VWA7: variants seen among roughly 807,000 people sequenced by gnomAD.
VWA7 encodes von Willebrand factor A domain containing 7.
A neutral mutation model predicts 83.1 loss-of-function variants in VWA7; 66 were observed. That is an observed-to-expected ratio of 0.79 (90% confidence interval 0.65 to 0.98). The LOEUF (loss-of-function observed/expected upper bound fraction) is 0.98, where lower values mean the gene tolerates loss of function less well. VWA7 is among the 50% of genes least tolerant of loss of function. The pLI is 0.00. For synonymous variants in VWA7, 424 were observed against 488.5 expected (o/e 0.87, Z 1.74); for missense variants, 1,080 against 1,160.2 (o/e 0.93, Z 1.00).
At chr6:31,770,212 A>G in intron 7 of VWA7, 99 bp from the exon 8 acceptor site, 7 of 892,140 alleles carry the variant, frequency 7.8e-6, no homozygotes, top group Non-Finnish European at 1.2e-5. Context: ...GTGCTTCTGG[A>G]GCCGACAGGT....
chr6:31,775,319 GGTCAC>G lies in VWA7; in HGVS notation c.610+9_610+13del, dbSNP rs1481455991. 6.2e-7 allele frequency: 1 copy of G among 1,607,138 alleles called. No individual in the cohort carries two copies. The highest frequency in any genetic ancestry group is 8.5e-7 in the Non-Finnish European group (1 of 1,176,872). ...CTGTGGACTCCTGCCTCACCACCAG[GGTCAC>G]AGCCATACCTTGTGCCAGGTTCTGG... On this transcript the variant is annotated intron_variant, in intron 4 of 16. Coordinates refer to ENST00000375688, the MANE Select transcript of VWA7 (RefSeq NM_025258.3). The surrounding 1 kb of genome is among the most constrained non-coding windows in gnomAD (Gnocchi z 5.9).
chr6:31,768,139 C>CAAAAAAAAAA (rs9279412), intron 10 of VWA7, among the ~76,000 whole-genome samples: 42 of 77,028 alleles, frequency 5.5e-4, no homozygotes, highest in Non-Finnish European at 7.4e-4. Flanking sequence ...GACTCTGTCT[C>CAAAAAAAAAA]AAAAAAAAAA....
At position 31,773,619 on chromosome 6, in the gene VWA7, G is replaced by A. The variant is rs546485849; in HGVS notation, c.722-182C>T. On this transcript the variant is annotated intron_variant, in intron 5 of 16. Coordinates refer to ENST00000375688, the MANE Select transcript of VWA7 (RefSeq NM_025258.3). This position sits in a 1 kb window ranked among gnomAD's most constrained non-coding sequence, Gnocchi z 5.3. ...CCCAGCGCTTTGGGAGGCCGAGGCC[G>A]GCAGATCATCTGAGATCAGGAGTTC... 3.3e-5 allele frequency among the ~76,000 whole-genome samples: 5 copies of A among 152,336 alleles called. No individual in the cohort carries two copies. In the East Asian group the frequency reaches 7.7e-4, roughly 23 times the overall value.
Position 31,769,343 on chromosome 6 carries a change from G to C in VWA7, c.1318-140C>G. The C allele has an allele frequency of 1.9e-6, 2 of 1,079,938 alleles. No homozygotes were observed. Among genetic ancestry groups the C allele is most frequent in the Non-Finnish European group, 2.6e-6 (2 of 768,782 alleles). The allele number at this position is 1,079,938 out of a possible 1,614,324, so 66.9% of individuals were successfully genotyped here. On this transcript the variant is annotated intron_variant, in intron 9 of 16. Transcript: ENST00000375688. The surrounding 1 kb of genome is among the most constrained non-coding windows in gnomAD (Gnocchi z 4.5). ...GCCTGCCTTCTGGCTGCTGGGGTGGGGAATCCCAATGACAGAACCCCCTGC... is the reference window on the plus strand; with the variant it reads ...GCCTGCCTTCTGGCTGCTGGGGTGGCGAATCCCAATGACAGAACCCCCTGC...
At position 31,773,870 on chromosome 6, in the gene VWA7, G is replaced by C. The variant is rs1213348896; in HGVS notation, c.722-433C>G. On this transcript the variant is annotated intron_variant, in intron 5 of 16. Transcript: ENST00000375688. This position sits in a 1 kb window ranked among gnomAD's most constrained non-coding sequence, Gnocchi z 5.3. The stretch of plus-strand genomic sequence containing the variant: ...TCAAAAAATAAATAAATAAATAAAT[G>C]ATGGCTGGGCACGGTGGCTCACACC... Among the ~76,000 whole-genome samples, 1 of 150,802 alleles carries C rather than the reference G, an allele frequency of 6.6e-6. No individual in the cohort carries two copies. Among genetic ancestry groups the C allele is most frequent in the Non-Finnish European group, 1.5e-5 (1 of 67,718 alleles).
In VWA7 at chr6:31,766,822, G is replaced by T. The variant is rs552435823; in HGVS notation, c.1883-58C>A. 5.7e-5 allele frequency: 87 copies of T among 1,534,648 alleles called. No homozygotes were observed. In the East Asian group the frequency reaches 1.7e-3, roughly 30 times the overall value. On this transcript the variant is annotated intron_variant, in intron 13 of 16. Coordinates refer to ENST00000375688, the MANE Select transcript of VWA7 (RefSeq NM_025258.3). This position sits in a 1 kb window ranked among gnomAD's most constrained non-coding sequence, Gnocchi z 4.9. ...GAGATTCGGAGACACAGGGAGAAAA[G>T]AATTAATGGCCTTCAAAATAGGGGT...
chr6:31,770,211 G>C (rs1007820700), intron 7 of VWA7, 98 bp from the exon 8 acceptor site: 1 of 892,244 alleles, frequency 1.1e-6, no homozygotes, highest in Non-Finnish European at 1.7e-6. Flanking sequence ...TGTGCTTCTG[G>C]AGCCGACAGG....
At chr6:31,767,093 A>ATATATTT in intron 13 of VWA7, 65 bp downstream of exon 13, 1 of 352,332 alleles carries the variant, frequency 2.8e-6, no homozygotes. Flanking sequence ...ATTATATATT[A>ATATATTT]TATATTTTAT....
In VWA7 at chr6:31,776,587, G is replaced by A; in HGVS notation, c.193C>T (p.Pro65Ser). 6.5e-7 allele frequency: 1 copy of A among 1,548,868 alleles called. No individual in the cohort carries two copies. Among genetic ancestry groups the A allele is most frequent in the Non-Finnish European group, 8.7e-7 (1 of 1,146,130 alleles). The change falls in exon 2 of 17, where the codon CCA (proline) becomes TCA (serine). Residue 65 changes from proline (P) to serine (S), a missense_variant. Pro to Ser is a moderately conservative substitution (Grantham distance 74). Coordinates refer to ENST00000375688, the MANE Select transcript of VWA7 (RefSeq NM_025258.3). The surrounding 1 kb of genome is among the most constrained non-coding windows in gnomAD (Gnocchi z 6.2). ...CGAAGAGGGGGGCGGCCTGGGGGTG[G>A]CTGCTCCAGGAAGAGCTGCAGGGTG... ...NVTLQLFLEQ[P>S]PPGRPPLRLE...
chr6:31,775,131 G>C lies in VWA7; in HGVS notation c.610+202C>G, dbSNP rs1162759635. 6.6e-6 allele frequency among the ~76,000 whole-genome samples: 1 copy of C among 152,158 alleles called. No individual in the cohort carries two copies. Among genetic ancestry groups the C allele is most frequent in the Non-Finnish European group, 1.5e-5 (1 of 68,014 alleles). On this transcript the variant is annotated intron_variant, in intron 4 of 16. Coordinates refer to ENST00000375688, the MANE Select transcript of VWA7 (RefSeq NM_025258.3). The surrounding 1 kb of genome is among the most constrained non-coding windows in gnomAD (Gnocchi z 5.9). ...ACTTAAGACGGGACTGAGGTCTGGAGACCTGGTCCTAGCTACTTTTCCCTG... is the reference window on the plus strand; with the variant it reads ...ACTTAAGACGGGACTGAGGTCTGGACACCTGGTCCTAGCTACTTTTCCCTG...
In VWA7 at chr6:31,775,219, T is replaced by C. The variant is rs1222294260; in HGVS notation, c.610+114A>G. 8 of 914,572 alleles carry C rather than the reference T, an allele frequency of 8.7e-6. No homozygotes were observed. Among genetic ancestry groups the C allele is most frequent in the Non-Finnish European group, 9.6e-6 (6 of 623,474 alleles). 56.7% of individuals were successfully genotyped at this position (914,572 alleles called of 1,614,324 possible). A position where few individuals can be genotyped will look rare whatever the true frequency, so the allele number is the denominator to read the frequency against. ...TGCTTGGACTGGGGGACCTCAGTCC[T>C]TGTGGAGATTAAGTAACATCATACC... On this transcript the variant is annotated intron_variant, in intron 4 of 16. Coordinates refer to ENST00000375688, the MANE Select transcript of VWA7 (RefSeq NM_025258.3). This position sits in a 1 kb window ranked among gnomAD's most constrained non-coding sequence, Gnocchi z 5.9.
chr6:31,777,134 G>A lies in VWA7; in HGVS notation c.-41C>T, dbSNP rs565469018. The A allele has an allele frequency of 2.0e-4, 71 of 362,618 alleles. No homozygotes were observed. Among genetic ancestry groups the A allele is most frequent in the East Asian group, 1.6e-3 (37 of 22,546 alleles). The allele number at this position is 362,618 out of a possible 1,614,324, so 22.5% of individuals were successfully genotyped here. A position where few individuals can be genotyped will look rare whatever the true frequency, so the allele number is the denominator to read the frequency against. On this transcript the variant is annotated 5_prime_UTR_variant, in exon 1 of 17. Coordinates refer to ENST00000375688, the MANE Select transcript of VWA7 (RefSeq NM_025258.3). The surrounding 1 kb of genome is among the most constrained non-coding windows in gnomAD (Gnocchi z 5.8). ...CTGGTTGCTGGGTCTCCTGGGCAGG[G>A]CTGGCCCGGGCTTGACGTCACAGGG...
At position 31,769,698 on chromosome 6, in the gene VWA7, G is replaced by A. The variant is rs750315874; in HGVS notation, c.1294C>T (p.Leu432=). ...DAFLTNQVES[L]TQERRCRVTF... ...ACCCGGCAGCGCCGCTCCTGAGTCAGGGATTCCACCTGGTTGGTGAGAAAG... is the reference window on the plus strand; with the variant it reads ...ACCCGGCAGCGCCGCTCCTGAGTCAAGGATTCCACCTGGTTGGTGAGAAAG... Residue 432 remains leucine, a synonymous_variant, in exon 9 of 17, where the codon CTG becomes TTG. Transcript: ENST00000375688. The surrounding 1 kb of genome is among the most constrained non-coding windows in gnomAD (Gnocchi z 4.5). 95 of 1,612,910 alleles carry A rather than the reference G, an allele frequency of 5.9e-5. No individual in the cohort carries two copies. Among genetic ancestry groups the A allele is most frequent in the Non-Finnish European group, 7.8e-5 (92 of 1,180,034 alleles).
chr6:31,773,113 TG>T lies in VWA7; in HGVS notation c.927del (p.Asp309GlufsTer8). 1 of 1,611,214 alleles carries T rather than the reference TG, an allele frequency of 6.2e-7. No individual in the cohort carries two copies. The highest frequency in any genetic ancestry group is 8.5e-7 in the Non-Finnish European group (1 of 1,179,290). ...LGDRDFSRLL[D>X]ITPASSLSFV... ...AAGCTCAGGCTGGAGGCTGGGGTGA[TG>T]TCCAGCAGCCTGGGGAGCAAGCCAG... On this transcript the variant is annotated frameshift_variant, in exon 7 of 17. Coordinates refer to ENST00000375688, the MANE Select transcript of VWA7 (RefSeq NM_025258.3). LOFTEE classifies it high-confidence loss of function. The surrounding 1 kb of genome is among the most constrained non-coding windows in gnomAD (Gnocchi z 5.3).
At position 31,766,282 on chromosome 6, in the gene VWA7, CG is replaced by C. The variant is rs764025160; in HGVS notation, c.2286del (p.Phe762LeufsTer19). The C allele has an allele frequency of 6.2e-7, 1 of 1,612,456 alleles. No homozygotes were observed. Among genetic ancestry groups the C allele is most frequent in the Non-Finnish European group, 8.5e-7 (1 of 1,179,932 alleles). Reference protein sequence around the residue: ...SGPQDLDLRTFVNPSFSLTSN... With the variant: ...SGPQDLDLRTXVNPSFSLTSN... The stretch of plus-strand genomic sequence containing the variant: ...GAGGTGAGGGAGAAGCTGGGGTTGA[CG>C]AAAGTCCTAAGGTCAAGATCCTGAG... On this transcript the variant is annotated frameshift_variant, in exon 15 of 17. Coordinates refer to ENST00000375688, the MANE Select transcript of VWA7 (RefSeq NM_025258.3). LOFTEE classifies it high-confidence loss of function. This position sits in a 1 kb window ranked among gnomAD's most constrained non-coding sequence, Gnocchi z 4.9.
Position 31,769,796 on chromosome 6 carries a change from C to A in VWA7, c.1201-5G>T, listed in dbSNP as rs1049284051. 1 of 1,612,158 alleles carries A rather than the reference C, an allele frequency of 6.2e-7. No homozygotes were observed. Among genetic ancestry groups the A allele is most frequent in the Non-Finnish European group, 8.5e-7 (1 of 1,179,380 alleles). On this transcript the variant is annotated splice_polypyrimidine_tract_variant and splice_region_variant and intron_variant, in intron 8 of 16. Transcript: ENST00000375688. This position sits in a 1 kb window ranked among gnomAD's most constrained non-coding sequence, Gnocchi z 4.5. ...AGGTGTGTGCAGCAGGGCCAGCTGG[C>A]AGGGAAGGCAACGACCAGTGTTAAC...
Position 31,765,749 on chromosome 6 carries a change from C to T in VWA7, c.2521G>A (p.Gly841Ser), listed in dbSNP as rs748924185. Reference sequence around the variant, plus strand: ...GTGGTGAGGATCGGGTCAGATGAGCCGGTAGGGGTGGTGTGCCGGTCCTGT... The same window carrying T: ...GTGGTGAGGATCGGGTCAGATGAGCTGGTAGGGGTGGTGTGCCGGTCCTGT... ...APQDRHTTPT[G>S]SSDPILTTAT... Residue 841 changes from glycine to serine, a missense_variant, in exon 17 of 17, where the codon GGC (glycine) becomes AGC (serine). Physicochemically the swap from Gly to Ser is moderately conservative, Grantham distance 56. Transcript: ENST00000375688. The T allele has an allele frequency of 1.9e-5, 30 of 1,587,900 alleles. No homozygotes were observed. Among genetic ancestry groups the T allele is most frequent in the Admixed American group, 8.8e-5 (5 of 56,660 alleles).
In VWA7 at chr6:31,766,107, A is replaced by G; in HGVS notation, c.2325-50T>C. ...TAAAGCTCCAGGCTGCCCAGAGCCT[A>G]GAGTCGGGACGCCTGCAGGGGCACG... On this transcript the variant is annotated intron_variant, in intron 15 of 16. Coordinates refer to ENST00000375688, the MANE Select transcript of VWA7 (RefSeq NM_025258.3). The surrounding 1 kb of genome is among the most constrained non-coding windows in gnomAD (Gnocchi z 4.9). The G allele has an allele frequency of 6.2e-7, 1 of 1,605,996 alleles. No individual in the cohort carries two copies.
rs1316459404 is a variant in VWA7, at chr6:31,769,799, G to A, written c.1201-8C>T. On this transcript the variant is annotated splice_polypyrimidine_tract_variant and splice_region_variant and intron_variant, in intron 8 of 16. Coordinates refer to ENST00000375688, the MANE Select transcript of VWA7 (RefSeq NM_025258.3). The surrounding 1 kb of genome is among the most constrained non-coding windows in gnomAD (Gnocchi z 4.5). ...TGTGTGCAGCAGGGCCAGCTGGCAG[G>A]GAAGGCAACGACCAGTGTTAACAAT... 6 of 1,611,108 alleles carry A rather than the reference G, an allele frequency of 3.7e-6. No individual in the cohort carries two copies. The highest frequency in any genetic ancestry group is 5.1e-6 in the Non-Finnish European group (6 of 1,178,402).
Sources: allele counts gnomAD v4.1 joint callset (sites outside exome capture counted in the v4.1 genomes callset), GRCh38; gene constraint gnomAD v4.1.1; non-coding constraint Gnocchi (gnomAD v3.1); transcripts MANE v1.5; gene names NCBI Gene and HGNC (gene_info 2026-07-23, HGNC 2026-07-21).